Variants in CSNK1G3 observed in about 807,000 individuals in gnomAD.
The protein encoded by CSNK1G3 is casein kinase I isoform gamma-3.
A neutral mutation model predicts 64.3 loss-of-function variants in CSNK1G3; 23 were observed. The ratio of observed to expected loss-of-function variants is 0.36; its 90% CI spans 0.26 to 0.51. The LOEUF (loss-of-function observed/expected upper bound fraction) is 0.51, where lower values mean the gene tolerates loss of function less well. Ranked by LOEUF, CSNK1G3 falls within the 20% of genes least tolerant of loss-of-function variation. The probability of loss-of-function intolerance (pLI) is 0.96; values close to 1 mark genes in which losing one functional copy is unlikely to be tolerated. For synonymous variants in CSNK1G3, 158 were observed against 162.2 expected (o/e 0.97, Z 0.20); for missense variants, 357 against 510.5 (o/e 0.70, Z 2.90).
At chr5:123,588,120 T>C (rs768926367) in exon 7 of CSNK1G3, 1 of 1,603,292 alleles carries the variant, frequency 6.2e-7, no homozygotes, top group Non-Finnish European at 8.5e-7. Flanking sequence ...TCATGTATTT[T>C]CTGAGAGGCA....
chr5:123,612,490 T>A (rs1428134366), intron 12 of CSNK1G3, among the ~76,000 whole-genome samples: 1 of 151,872 alleles, frequency 6.6e-6, no homozygotes, highest in Admixed American at 6.6e-5. Context: ...TTTTTTTTTT[T>A]TTTTTGGAAC....
In CSNK1G3 at chr5:123,513,942, C is replaced by T. The variant is rs146708883; in HGVS notation, c.-248+1372C>T. 3.8e-3 allele frequency among the ~76,000 whole-genome samples: 571 copies of T among 151,956 alleles called. 3 individuals are homozygous for T. The highest frequency in any genetic ancestry group is 0.013 in the African/African-American group (524 of 41,454). On this transcript the variant is annotated intron_variant, in intron 1 of 12. Coordinates refer to ENST00000345990, the Ensembl canonical transcript of CSNK1G3. ...TTTGTAATTATTTACAAACTTTGCT[C>T]CAGTTGTATCTTAGGATAAATTGTC...
chr5:123,528,733 T>A (rs1329396600), intron 1 of CSNK1G3, among the ~76,000 whole-genome samples: 2 of 152,212 alleles, frequency 1.3e-5, no homozygotes, highest in East Asian at 1.9e-4. Flanking sequence ...TTGTCATTTC[T>A]TATTCATTTA....
chr5:123,596,979 C>T (rs1261894368), intron 10 of CSNK1G3, among the ~76,000 whole-genome samples: 1 of 151,844 alleles, frequency 6.6e-6, no homozygotes, highest in Non-Finnish European at 1.5e-5. Flanking sequence ...TAATGTGACC[C>T]TTGTGTAATT....
chr5:123,513,055 C>T (rs139844055), intron 1 of CSNK1G3, among the ~76,000 whole-genome samples: 1,865 of 151,974 alleles, frequency 0.012, 133 homozygotes, highest in Admixed American at 0.09. Flanking sequence ...CGGGGGCCAG[C>T]GTTCAGCTCA....
chr5:123,553,270 T>C, intron 3 of CSNK1G3, 123 bp downstream of exon 3: 1 of 461,094 alleles, frequency 2.2e-6, no homozygotes, highest in Non-Finnish European at 3.8e-6. Flanking sequence ...GACAGTTATA[T>C]GCATAGCTAA....
intron 5 of CSNK1G3, 33 bp downstream of exon 5, chr5:123,573,574 A>T (rs368151076): frequency 1.3e-4 from 205 of 1,544,296 alleles, no homozygotes; most frequent in Non-Finnish European, 1.7e-4. Flanking sequence ...AGTTGTTTGA[A>T]CAATTACATG....
At chr5:123,597,891 C>G (rs895410692) in intron 10 of CSNK1G3, among the ~76,000 whole-genome samples, 1 of 152,006 alleles carries the variant, frequency 6.6e-6, no homozygotes, top group African/African-American at 2.4e-5. Context: ...GATGTTGAGG[C>G]TTAGGAAGTG....
chr5:123,582,115 A>T (rs948787264), intron 6 of CSNK1G3, among the ~76,000 whole-genome samples: 14 of 151,914 alleles, frequency 9.2e-5, no homozygotes, highest in African/African-American at 3.1e-4. Context: ...GAAAAAGGGA[A>T]TTTTTTTTGT....
chr5:123,578,392 T>A (rs1198511502), intron 6 of CSNK1G3, among the ~76,000 whole-genome samples: 1 of 151,932 alleles, frequency 6.6e-6, no homozygotes, highest in African/African-American at 2.4e-5. Flanking sequence ...TTCCTTGTGA[T>A]TATTGTTTCT....
At chr5:123,554,224 G>A (rs573072267) in intron 3 of CSNK1G3, among the ~76,000 whole-genome samples, 1 of 152,294 alleles carries the variant, frequency 6.6e-6, no homozygotes, top group South Asian at 2.1e-4. Context: ...TTGGTTGGCT[G>A]ACATGTGGCT....
chr5:123,614,839 G>C (rs1276520295), exon 13 of CSNK1G3: 3 of 153,396 alleles, frequency 2.0e-5, no homozygotes, highest in Non-Finnish European at 2.9e-5. Context: ...AGAAAACAGA[G>C]TTGCCCAAAT....
At chr5:123,604,854 T>C (rs1402400886) in intron 11 of CSNK1G3, 24 bp downstream of exon 12, 4 of 1,525,658 alleles carry the variant, frequency 2.6e-6, no homozygotes, top group Middle Eastern at 1.7e-4. Flanking sequence ...TTACTTGTTT[T>C]AGTAACTTTT....
intron 4 of CSNK1G3, among the ~76,000 whole-genome samples, chr5:123,568,941 A>G (rs1045774954): frequency 1.6e-4 from 24 of 152,256 alleles, no homozygotes; most frequent in South Asian, 1.0e-3. Flanking sequence ...AAAGAGAAAC[A>G]TGCATTAAAA....
intron 6 of CSNK1G3, among the ~76,000 whole-genome samples, chr5:123,581,138 A>G (rs1426876259): frequency 2.6e-5 from 4 of 151,720 alleles, no homozygotes; most frequent in Admixed American, 2.6e-4. Flanking sequence ...ATTATATTTT[A>G]ACAGTTTAAA....
At chr5:123,528,185 C>T (rs72791771) in intron 1 of CSNK1G3, among the ~76,000 whole-genome samples, 7,004 of 152,124 alleles carry the variant, frequency 0.046, 250 homozygotes, top group African/African-American at 0.095. Flanking sequence ...TAGTGAATTT[C>T]TTTTTCTTCT....
chr5:123,558,317 C>T (rs1018650333), intron 4 of CSNK1G3, among the ~76,000 whole-genome samples: 13 of 152,160 alleles, frequency 8.5e-5, no homozygotes, highest in African/African-American at 3.1e-4. Flanking sequence ...GAGATTATTT[C>T]ATGCCACTAG....
chr5:123,526,840 T>TTG (rs34275675), intron 1 of CSNK1G3, among the ~76,000 whole-genome samples: 22,814 of 126,494 alleles, frequency 0.18, 1,904 homozygotes, highest in South Asian at 0.23. Flanking sequence ...CATGTACAGA[T>TTG]TGTGTGTGTG....
intron 12 of CSNK1G3, among the ~76,000 whole-genome samples, chr5:123,608,987 A>T (rs1481733262): frequency 6.6e-6 from 1 of 152,160 alleles, no homozygotes; most frequent in Admixed American, 6.6e-5. Context: ...ATGCATTTAC[A>T]CTAGTTCTCA....
Sources: allele counts gnomAD v4.1 joint callset (sites outside exome capture counted in the v4.1 genomes callset), GRCh38; gene constraint gnomAD v4.1.1; transcripts MANE v1.5; gene names NCBI Gene and HGNC (gene_info 2026-07-23, HGNC 2026-07-21).